Variants in CLIC6 observed in about 807,000 individuals in gnomAD.
CLIC6 encodes chloride intracellular channel protein 6.
A neutral mutation model predicts 49.2 loss-of-function variants in CLIC6; 39 were observed. That is an observed-to-expected ratio of 0.79 (90% CI 0.61 to 1.04). The LOEUF is 1.04. Among genes scored for constraint, CLIC6 ranks in the 50% least tolerant of loss-of-function variants. The pLI, the probability that CLIC6 is intolerant of heterozygous loss-of-function variation, is 0.00. For missense variants in CLIC6, 988 were observed against 993.1 expected (o/e 0.99, Z 0.07); for synonymous variants, 446 against 433.4 (o/e 1.03, Z -0.36).
At position 34,696,840 on chromosome 21, in the gene CLIC6, A is replaced by T. The variant is rs955435009; in HGVS notation, c.1375-10440A>T. 1.8e-4 allele frequency among the ~76,000 whole-genome samples: 27 copies of T among 152,188 alleles called. 1 individual carries two copies. ...TCAGGTGTATTATTTTGAGAAATGC[A>T]TGTAATTATGTATCTCCTTTTTAGA... On this transcript the variant is annotated intron_variant, in intron 1 of 5. Transcript: ENST00000349499.
At chr21:34,696,174 A>G (rs939768879) in intron 1 of CLIC6, among the ~76,000 whole-genome samples, 1 of 150,104 alleles carries the variant, frequency 6.7e-6, no homozygotes, top group African/African-American at 2.5e-5. Flanking sequence ...ACACATGACT[A>G]GAGACCCCCC....
intron 1 of CLIC6, among the ~76,000 whole-genome samples, chr21:34,684,412 C>G (rs979126820): frequency 3.9e-5 from 6 of 152,162 alleles, no homozygotes; most frequent in Non-Finnish European, 8.8e-5. Flanking sequence ...GAGGCCTGGC[C>G]CCCTGCCATG....
intron 1 of CLIC6, among the ~76,000 whole-genome samples, chr21:34,671,720 C>T (rs1989571056): frequency 1.3e-5 from 2 of 152,156 alleles, no homozygotes; most frequent in Admixed American, 1.3e-4. Context: ...GAAATACTTC[C>T]AGGCTTATAG....
chr21:34,677,237 T>C (rs928679765), intron 1 of CLIC6, among the ~76,000 whole-genome samples: 12 of 152,242 alleles, frequency 7.9e-5, no homozygotes, highest in African/African-American at 2.9e-4. Context: ...GACAGTCTCT[T>C]ATTGTTTTTT....
At chr21:34,709,227 C>T in intron 4 of CLIC6, 130 bp from the exon 5 acceptor site, 2 of 715,632 alleles carry the variant, frequency 2.8e-6, no homozygotes, top group South Asian at 1.8e-5. Flanking sequence ...CATCCACCTG[C>T]TGCCTTCCCA....
At chr21:34,695,824 T>C (rs1013739487) in intron 1 of CLIC6, among the ~76,000 whole-genome samples, 3 of 152,238 alleles carry the variant, frequency 2.0e-5, no homozygotes, top group Non-Finnish European at 2.9e-5. Context: ...CAAATTCTTT[T>C]GGCTAAACGA....
At chr21:34,672,713 CT>C (rs1341493003) in intron 1 of CLIC6, among the ~76,000 whole-genome samples, 2 of 152,212 alleles carry the variant, frequency 1.3e-5, no homozygotes, top group African/African-American at 4.8e-5. Context: ...AGAACACGGA[CT>C]TTAGAGCCAG....
chr21:34,670,009 G>A lies in CLIC6; in HGVS notation c.621G>A (p.Gly207=). The A allele has an allele frequency of 7.2e-7, 1 of 1,382,554 alleles. No homozygotes were observed. Among genetic ancestry groups the A allele is most frequent in the Non-Finnish European group, 9.3e-7 (1 of 1,077,008 alleles). 85.6% of individuals were successfully genotyped at this position (1,382,554 alleles called of 1,614,324 possible). The change falls in exon 1 of 6, where the codon GGG becomes GGA. Residue 207 remains glycine (G), a synonymous_variant. Coordinates refer to ENST00000349499, the MANE Select transcript of CLIC6 (RefSeq NM_053277.3). ...GDSVDAEGPL[G]DNIQAEGPAG... ...GCGTAGACGCGGAGGGCCCGCTGGG[G>A]GACAACATACAAGCCGAGGGCCCGG...
intron 1 of CLIC6, among the ~76,000 whole-genome samples, chr21:34,672,120 G>C (rs1322278985): frequency 6.6e-6 from 1 of 152,222 alleles, no homozygotes; most frequent in Admixed American, 6.5e-5. Flanking sequence ...CTTCTGGCTA[G>C]TCTCCCTGTT....
At chr21:34,681,716 G>A (rs1601263364) in intron 1 of CLIC6, among the ~76,000 whole-genome samples, 1 of 152,296 alleles carries the variant, frequency 6.6e-6, no homozygotes, top group East Asian at 1.9e-4. Flanking sequence ...AGAGACCAAG[G>A]AAGAAGCCAT....
chr21:34,705,841 T>C (rs531460221), intron 1 of CLIC6, among the ~76,000 whole-genome samples: 1 of 152,334 alleles, frequency 6.6e-6, no homozygotes, highest in African/African-American at 2.4e-5. Context: ...ATCAGCCTTA[T>C]CTCTTGCCCG....
intron 5 of CLIC6, among the ~76,000 whole-genome samples, chr21:34,713,541 G>A (rs1030713478): frequency 5.9e-5 from 9 of 152,234 alleles, no homozygotes; most frequent in Non-Finnish European, 1.0e-4. Flanking sequence ...GTTTGTAGCC[G>A]TGCTGTCAGT....
chr21:34,705,065 G>A (rs1421325996), intron 1 of CLIC6, among the ~76,000 whole-genome samples: 9 of 152,278 alleles, frequency 5.9e-5, no homozygotes, highest in African/African-American at 9.6e-5. Flanking sequence ...GAGAAAAAAC[G>A]AACACAGTTG....
rs71196903 is a variant in CLIC6, at chr21:34,675,252, CAAAA to C, written c.1374+4505_1374+4508del. 2.7e-4 allele frequency among the ~76,000 whole-genome samples: 27 copies of C among 100,962 alleles called. 1 individual carries two copies. Among genetic ancestry groups the C allele is most frequent in the African/African-American group, 9.7e-4 (26 of 26,708 alleles). The allele number at this position is 100,962 out of a possible 152,430, so 66.2% of individuals were successfully genotyped here. ...ACCCAGAAATGAGCCCCCGCCCCTC[CAAAA>C]AAAAAAAAAAAAAAGAGCCTTCCAA... On this transcript the variant is annotated intron_variant, in intron 1 of 5. Coordinates refer to ENST00000349499, the MANE Select transcript of CLIC6 (RefSeq NM_053277.3).
At position 34,670,538 on chromosome 21, in the gene CLIC6, G is replaced by A. The variant is rs1989535788; in HGVS notation, c.1150G>A (p.Glu384Lys). ...GCGGAGCCCGGAGGGGCCAAGGGAGGAGGAAGCAGCGGGGGGCGAAGAGGA... is the reference window on the plus strand; with the variant it reads ...GCGGAGCCCGGAGGGGCCAAGGGAGAAGGAAGCAGCGGGGGGCGAAGAGGA... Reference protein sequence around the residue: ...RERSPEGPREEEAAGGEEESP... With the variant: ...RERSPEGPREKEAAGGEEESP... The change falls in exon 1 of 6, where the codon GAG becomes AAG. Residue 384 changes from glutamate (E) to lysine (K), a missense_variant. Glu to Lys is a moderately conservative substitution (Grantham distance 56). Transcript: ENST00000349499. 1 of 1,500,504 alleles carries A rather than the reference G, an allele frequency of 6.7e-7. No homozygotes were observed. Among genetic ancestry groups the A allele is most frequent in the Non-Finnish European group, 8.9e-7 (1 of 1,125,004 alleles). The allele number at this position is 1,500,504 out of a possible 1,614,324, so 92.9% of individuals were successfully genotyped here. A position where few individuals can be genotyped will look rare whatever the true frequency, so the allele number is the denominator to read the frequency against.
intron 1 of CLIC6, among the ~76,000 whole-genome samples, chr21:34,673,473 G>A (rs992203391): frequency 1.4e-5 from 2 of 138,830 alleles, no homozygotes; most frequent in Non-Finnish European, 3.1e-5. Context: ...TGTGTTTTTG[G>A]TAGAATGGGG....
At chr21:34,681,901 T>G (rs1989786460) in intron 1 of CLIC6, among the ~76,000 whole-genome samples, 1 of 152,200 alleles carries the variant, frequency 6.6e-6, no homozygotes, top group Non-Finnish European at 1.5e-5. Flanking sequence ...CATCTACTTT[T>G]TTTTCCACAA....
At chr21:34,691,387 C>T (rs139261209) in intron 1 of CLIC6, among the ~76,000 whole-genome samples, 3 of 152,148 alleles carry the variant, frequency 2.0e-5, no homozygotes, top group Admixed American at 6.5e-5. Flanking sequence ...AAGCTTAAAG[C>T]CAAGTTTTCT....
chr21:34,714,119 T>C (rs1376866834), intron 5 of CLIC6, among the ~76,000 whole-genome samples: 2 of 152,198 alleles, frequency 1.3e-5, no homozygotes, highest in Non-Finnish European at 2.9e-5. Context: ...TGTTCTATGA[T>C]GAAATAACAA....
Sources: gnomAD v4.1 joint callset for allele counts (sites outside exome capture counted in the v4.1 genomes callset) on GRCh38, gnomAD v4.1.1 for gene constraint, MANE v1.5 for transcripts, NCBI Gene and HGNC (gene_info 2026-07-23, HGNC 2026-07-21) for gene names.